PLD1: variants seen among roughly 807,000 people sequenced by gnomAD.
PLD1 encodes the protein phospholipase D1.
A neutral mutation model predicts 137.1 loss-of-function variants in PLD1; 112 were observed. That is an observed-to-expected ratio of 0.82 (90% CI 0.70 to 0.96). The LOEUF (loss-of-function observed/expected upper bound fraction) is 0.96, where lower values mean the gene tolerates loss of function less well. Among genes scored for constraint, PLD1 ranks in the 40% least tolerant of loss-of-function variants. The pLI, the probability that PLD1 is intolerant of heterozygous loss-of-function variation, is 0.00. For synonymous variants in PLD1, 431 were observed against 454.7 expected, an observed-to-expected ratio of 0.95 and a Z score of 0.66; for missense variants, 1,321 against 1,342.0, an observed-to-expected ratio of 0.98 and a Z score of 0.24.
intron 1 of PLD1, 89 bp downstream of exon 1, chr3:171,810,310 G>A (rs765224220): frequency 3.3e-5 from 5 of 152,338 alleles, no homozygotes; most frequent in Admixed American, 2.6e-4. Context: ...CAGCTGCCCA[G>A]GTTGGGCGGA....
At chr3:171,628,498 C>G (rs565340682) in intron 23 of PLD1, among the ~76,000 whole-genome samples, 2 of 152,168 alleles carry the variant, frequency 1.3e-5, no homozygotes, top group South Asian at 4.1e-4. Flanking sequence ...GGAATCCTCC[C>G]TAACTCATTT....
chr3:171,684,493 T>C (rs528486703), intron 16 of PLD1, among the ~76,000 whole-genome samples: 3 of 152,180 alleles, frequency 2.0e-5, no homozygotes, highest in East Asian at 3.9e-4. Flanking sequence ...TTACTGGGAG[T>C]TGTCCCTGAA....
At chr3:171,678,032 T>C (rs1333065424) in intron 16 of PLD1, among the ~76,000 whole-genome samples, 1 of 151,494 alleles carries the variant, frequency 6.6e-6, no homozygotes, top group African/African-American at 2.4e-5. Flanking sequence ...AAGGTGGCAC[T>C]ATGAGAGCAG....
chr3:171,754,877 G>A (rs933264355), intron 1 of PLD1, among the ~76,000 whole-genome samples: 1 of 152,102 alleles, frequency 6.6e-6, no homozygotes, highest in Admixed American at 6.6e-5. Context: ...ATCCTATCTG[G>A]TGAGACAGCT....
intron 11 of PLD1, among the ~76,000 whole-genome samples, chr3:171,704,583 A>G (rs1560234332): frequency 6.6e-6 from 1 of 152,172 alleles, no homozygotes; most frequent in Non-Finnish European, 1.5e-5. Context: ...AAATGCTCTA[A>G]TAAGGGTGAA....
At chr3:171,784,464 T>C (rs944282268) in intron 1 of PLD1, among the ~76,000 whole-genome samples, 2 of 152,132 alleles carry the variant, frequency 1.3e-5, no homozygotes, top group African/African-American at 4.8e-5. Context: ...GAATAACATT[T>C]AAGTACCCAG....
chr3:171,798,422 A>C (rs1379086536), intron 1 of PLD1, among the ~76,000 whole-genome samples: 1 of 152,202 alleles, frequency 6.6e-6, no homozygotes, highest in Non-Finnish European at 1.5e-5. Flanking sequence ...AATCAGGCGT[A>C]AGGAAACTGT....
At chr3:171,756,856 C>T (rs944890910) in intron 1 of PLD1, among the ~76,000 whole-genome samples, 1 of 152,126 alleles carries the variant, frequency 6.6e-6, no homozygotes, top group Non-Finnish European at 1.5e-5. Flanking sequence ...AAGACAACTC[C>T]GTCAATACAC....
chr3:171,696,936 T>C (rs1715748716), intron 12 of PLD1, among the ~76,000 whole-genome samples: 1 of 152,214 alleles, frequency 6.6e-6, no homozygotes. Flanking sequence ...TATTTGGCCA[T>C]GGTGTTCACG....
At chr3:171,654,799 GTTTTTTT>G (rs142968390) in intron 21 of PLD1, among the ~76,000 whole-genome samples, 1 of 148,820 alleles carries the variant, frequency 6.7e-6, no homozygotes, top group South Asian at 2.1e-4. Flanking sequence ...TTTGTTTTTT[GTTTTTTT>G]TTTATTCTGA....
chr3:171,612,528 T>C lies in PLD1; in HGVS notation c.2729-96A>G, dbSNP rs1732749506. 8.3e-7 allele frequency: 1 copy of C among 1,204,230 alleles called. No homozygotes were observed. Among genetic ancestry groups the C allele is most frequent in the Non-Finnish European group, 1.2e-6 (1 of 827,928 alleles). The allele number at this position is 1,204,230 out of a possible 1,614,324, so 74.6% of individuals were successfully genotyped here. A position where few individuals can be genotyped will look rare whatever the true frequency, so the allele number is the denominator to read the frequency against. ...CAATTCATCCTTGCAAACAAAACCG[T>C]AATTTTGTCCAGGTTTTCAAGGGAA... is the stretch of plus-strand genomic sequence containing the variant. On this transcript the variant is annotated intron_variant, in intron 24 of 26. Coordinates refer to ENST00000351298, the MANE Select transcript of PLD1 (RefSeq NM_002662.5). The surrounding 1 kb of genome is among the most constrained non-coding windows in gnomAD (Gnocchi z 4.1).
At chr3:171,621,965 TG>T (rs1399072476) in intron 23 of PLD1, among the ~76,000 whole-genome samples, 1 of 152,230 alleles carries the variant, frequency 6.6e-6, no homozygotes, top group Non-Finnish European at 1.5e-5. Context: ...TACACATTTT[TG>T]TTTCTCATCC....
intron 19 of PLD1, among the ~76,000 whole-genome samples, chr3:171,666,697 A>G (rs544253172): frequency 1.3e-5 from 2 of 152,352 alleles, no homozygotes; most frequent in African/African-American, 4.8e-5. Flanking sequence ...ATAACCCTCA[A>G]ACTGTTCCCT....
rs1252321455 is a variant in PLD1, at chr3:171,628,114, C to T, written c.2594-7594G>A. 4.6e-5 allele frequency among the ~76,000 whole-genome samples: 7 copies of T among 151,776 alleles called. No homozygotes were observed. In the South Asian group the frequency reaches 1.3e-3, roughly 27 times the overall value. On this transcript the variant is annotated intron_variant, in intron 23 of 26. Transcript: ENST00000351298. ...ATCAACAAAATTGATAGACCGCTAGCAAGACTAATAAAGAAGAAAAGAGAG... is the reference window on the plus strand; with the variant it reads ...ATCAACAAAATTGATAGACCGCTAGTAAGACTAATAAAGAAGAAAAGAGAG...
rs1719238843 is a variant in PLD1, at chr3:171,734,939, CCT to C, written c.464_465del (p.Glu155GlyfsTer13). On this transcript the variant is annotated frameshift_variant, in exon 5 of 27. Coordinates refer to ENST00000351298, the MANE Select transcript of PLD1 (RefSeq NM_002662.5). LOFTEE classifies it high-confidence loss of function. Reference protein sequence around the residue: ...RHTFRRQNVREEPREMPSLPR... With the variant: ...RHTFRRQNVRXEPREMPSLPR... ...GGCAAACTGGGCATCTCTCGAGGCTCCTCTCTGACGTTTTGCCTCCTAAACGT... is the reference window on the plus strand; with the variant it reads ...GGCAAACTGGGCATCTCTCGAGGCTCCTCTGACGTTTTGCCTCCTAAACGT... The C allele has an allele frequency of 1.2e-6, 2 of 1,612,962 alleles. No individual in the cohort carries two copies. Among genetic ancestry groups the C allele is most frequent in the Admixed American group, 3.3e-5 (2 of 59,982 alleles).
chr3:171,657,745 G>T (rs756186739), intron 21 of PLD1, among the ~76,000 whole-genome samples: 1 of 152,068 alleles, frequency 6.6e-6, no homozygotes, highest in East Asian at 1.9e-4. Flanking sequence ...TGATTTCTTA[G>T]ATATCACTAT....
chr3:171,626,039 C>T (rs1364089210), intron 23 of PLD1, among the ~76,000 whole-genome samples: 3 of 152,010 alleles, frequency 2.0e-5, no homozygotes, highest in South Asian at 2.1e-4. Flanking sequence ...AGACTTCAGA[C>T]GATCAAACTA....
intron 1 of PLD1, among the ~76,000 whole-genome samples, chr3:171,798,698 AATTAATATTGTTATCCTTT>A (rs1723523876): frequency 1.3e-5 from 2 of 152,182 alleles, no homozygotes; most frequent in Non-Finnish European, 2.9e-5. Flanking sequence ...ACATGTTCCA[AATTAATATTGTTATCCTTT>A]ATTTGATTGC....
rs774704143 is a variant in PLD1 at position 171,710,872 on chromosome 3, C to CTTTTTTTTTTTTTTTTTTTTTTTT, written c.912-1164_912-1163insAAAAAAAAAAAAAAAAAAAAAAAA. 2.3e-3 allele frequency among the ~76,000 whole-genome samples: 224 copies of CTTTTTTTTTTTTTTTTTTTTTTTT among 98,546 alleles called. 22 individuals are homozygous for CTTTTTTTTTTTTTTTTTTTTTTTT. Among genetic ancestry groups the CTTTTTTTTTTTTTTTTTTTTTTTT allele is most frequent in the Middle Eastern group, 5.7e-3 (1 of 176 alleles). 64.7% of individuals were successfully genotyped at this position (98,546 alleles called of 152,430 possible). ...TTTCACTAATCATAGGAAAACTGTT[C>CTTTTTTTTTTTTTTTTTTTTTTTT]TTTTTTTTTTTTTTTTTTTGAGACG... On this transcript the variant is annotated intron_variant, in intron 9 of 26. Transcript: ENST00000351298.
Sources: gnomAD v4.1 joint callset for allele counts (sites outside exome capture counted in the v4.1 genomes callset) on GRCh38, gnomAD v4.1.1 for gene constraint, Gnocchi (gnomAD v3.1) non-coding constraint, MANE v1.5 for transcripts, NCBI Gene and HGNC (gene_info 2026-07-23, HGNC 2026-07-21) for gene names.